MCF2L: variants seen among roughly 807,000 people sequenced by gnomAD.
MCF2L encodes the protein MCF.2 cell line derived transforming sequence like, also known as guanine nucleotide exchange factor DBS.
Under a neutral mutation model 153.4 loss-of-function variants are expected in MCF2L, and 97 were observed. The ratio of observed to expected loss-of-function variants is 0.63; its 90% CI spans 0.54 to 0.75. The LOEUF is 0.75. MCF2L is among the 30% of genes least tolerant of loss of function. MCF2L has a pLI of 0.00. For missense variants in MCF2L, 1,347 were observed against 1,495.2 expected (o/e 0.90, Z 1.64); for synonymous variants, 659 against 632.2 (o/e 1.04, Z -0.64).
chr13:112,944,678 G>C (rs528527819), intron 2 of MCF2L, among the ~76,000 whole-genome samples: 4 of 151,980 alleles, frequency 2.6e-5, no homozygotes, highest in Non-Finnish European at 4.4e-5. Flanking sequence ...AGTAGAGATG[G>C]GGTTTCACTG....
At chr13:113,096,183 C>G (rs78834816) in intron 27 of MCF2L, 188 bp from the exon 28 acceptor site, 43,941 of 602,096 alleles carry the variant, frequency 0.073, 2,383 homozygotes, top group African/African-American at 0.17. Context: ...CGCCTTCCAT[C>G]GCCGCTGCGG....
rs79407810 is a variant in MCF2L, at chr13:112,984,609, A to C, written c.79+15151A>C. On this transcript the variant is annotated intron_variant, in intron 1 of 29. Coordinates refer to ENST00000535094, the MANE Select transcript of MCF2L (RefSeq NM_001112732.3). ...TCAAACAGAATCAGGATTCACCATA[A>C]GAAGCAGATAAATACATTTGAGGCA... is the stretch of plus-strand genomic sequence containing the variant. 4.9e-3 allele frequency among the ~76,000 whole-genome samples: 745 copies of C among 152,328 alleles called. 25 individuals carry two copies. In the East Asian group the frequency reaches 0.1, roughly 21 times the overall value.
chr13:112,947,537 A>G (rs79362056), intron 2 of MCF2L, among the ~76,000 whole-genome samples: 2,829 of 152,332 alleles, frequency 0.019, 51 homozygotes, highest in Non-Finnish European at 0.028. Flanking sequence ...TTTCCCTTCC[A>G]AAAGGAAAAA....
chr13:112,912,602 TCCAC>T (rs1192064776), intron 2 of MCF2L, among the ~76,000 whole-genome samples: 1 of 152,164 alleles, frequency 6.6e-6, no homozygotes, highest in Non-Finnish European at 1.5e-5. Context: ...CAGGTGTGAG[TCCAC>T]CATGCCTGGC....
chr13:113,059,971 T>G (rs1215456628), intron 4 of MCF2L, among the ~76,000 whole-genome samples: 1 of 152,264 alleles, frequency 6.6e-6, no homozygotes, highest in Non-Finnish European at 1.5e-5. Context: ...GACTGACCAC[T>G]GGGCGCACAG....
chr13:112,902,161 C>G, intron 1 of MCF2L: 1 of 1,563,636 alleles, frequency 6.4e-7, no homozygotes, highest in Non-Finnish European at 8.8e-7. Flanking sequence ...CTTTCTGCAG[C>G]ATGACCTCAT....
rs186892619 is a variant in MCF2L at position 113,017,444 on chromosome 13, G to A, written c.163+2598G>A. 5.3e-5 allele frequency among the ~76,000 whole-genome samples: 8 copies of A among 152,260 alleles called. No homozygotes were observed. The East Asian group carries it at 9.7e-4, about 18-fold the overall frequency. Reference sequence around the variant, plus strand: ...GCCTTTCTCCCGGGACACCCGTCACGAGATTTAGGGCCCACCGTATAATCC... The same window carrying A: ...GCCTTTCTCCCGGGACACCCGTCACAAGATTTAGGGCCCACCGTATAATCC... On this transcript the variant is annotated intron_variant, in intron 2 of 29. Coordinates refer to ENST00000535094, the MANE Select transcript of MCF2L (RefSeq NM_001112732.3).
At chr13:113,029,098 A>G (rs1418502586) in intron 3 of MCF2L, among the ~76,000 whole-genome samples, 1 of 152,146 alleles carries the variant, frequency 6.6e-6, no homozygotes, top group African/African-American at 2.4e-5. Flanking sequence ...TCTATCTGGA[A>G]ATAAAACTCT....
intron 15 of MCF2L, 114 bp downstream of exon 15, chr13:113,078,853 C>A: frequency 1.0e-6 from 1 of 980,264 alleles, no homozygotes; most frequent in South Asian, 1.6e-5. Context: ...GTGCAGAAGT[C>A]ATTGTGGTTC....
chr13:112,963,685 T>C (rs1218627297), intron 2 of MCF2L, among the ~76,000 whole-genome samples: 5 of 152,196 alleles, frequency 3.3e-5, no homozygotes, highest in African/African-American at 1.2e-4. Context: ...TGTGGCCTCA[T>C]GTGGAGGTAG....
intron 3 of MCF2L, among the ~76,000 whole-genome samples, chr13:113,033,363 G>T (rs1210590082): frequency 2.6e-5 from 3 of 115,548 alleles, no homozygotes; most frequent in Non-Finnish European, 5.3e-5. Flanking sequence ...CCCGTGGCGT[G>T]AGTGGCCCCC....
intron 2 of MCF2L, among the ~76,000 whole-genome samples, chr13:113,016,713 C>T (rs924521969): frequency 1.3e-5 from 2 of 152,204 alleles, no homozygotes; most frequent in Admixed American, 1.3e-4. Context: ...GGCCTTTGCA[C>T]AGCCGGCCCT....
intron 2 of MCF2L, chr13:112,956,844 A>G (rs758176004): frequency 1.2e-4 from 18 of 152,262 alleles, no homozygotes; most frequent in Admixed American, 1.2e-3. Flanking sequence ...AGGTTTTCCT[A>G]TCAAACTCTA....
chr13:113,084,074 G>C lies in MCF2L; in HGVS notation c.2061+7G>C. 1 of 1,612,784 alleles carries C rather than the reference G, an allele frequency of 6.2e-7. No homozygotes were observed. Among genetic ancestry groups the C allele is most frequent in the Non-Finnish European group, 8.5e-7 (1 of 1,178,862 alleles). On this transcript the variant is annotated splice_region_variant and intron_variant, in intron 18 of 29. Coordinates refer to ENST00000535094, the MANE Select transcript of MCF2L (RefSeq NM_001112732.3). ...AAGATGCTTTCTGGAGAGGGTAGGTGGTGTTTTGACGTGTATTTTGTCACA... is the reference window on the plus strand; with the variant it reads ...AAGATGCTTTCTGGAGAGGGTAGGTCGTGTTTTGACGTGTATTTTGTCACA...
At chr13:112,905,957 TC>T (rs1220056544) in intron 2 of MCF2L, among the ~76,000 whole-genome samples, 1 of 152,166 alleles carries the variant, frequency 6.6e-6, no homozygotes, top group Admixed American at 6.5e-5. Context: ...AGAAGGTGAT[TC>T]CCCCTGGTTC....
rs1403042405 is a variant in MCF2L, at chr13:112,912,841, CTG to C, written c.169+10472_169+10473del. 1.1e-4 allele frequency among the ~76,000 whole-genome samples: 16 copies of C among 144,532 alleles called. No individual in the cohort carries two copies. In the East Asian group the frequency reaches 3.3e-3, roughly 30 times the overall value. The allele number at this position is 144,532 out of a possible 152,430, so 94.8% of individuals were successfully genotyped here. A position where few individuals can be genotyped will look rare whatever the true frequency, so the allele number is the denominator to read the frequency against. ...GTATGGGGTGTGCCTGTGTGTGTGT[CTG>C]TAGTGTATCTGTGTCTGTATGGGGT... On this transcript the variant is annotated intron_variant, in intron 2 of 29. Transcript: ENST00000375608.
At chr13:113,088,474 G>A (rs1043293465) in intron 24 of MCF2L, 69 bp downstream of exon 24, 76 of 1,606,688 alleles carry the variant, frequency 4.7e-5, no homozygotes, top group Non-Finnish European at 6.3e-5. Context: ...TATGTTCAGA[G>A]CAACCGCACA....
intron 3 of MCF2L, chr13:113,042,420 AT>A (rs1336676476): frequency 6.6e-6 from 1 of 152,260 alleles, no homozygotes; most frequent in Non-Finnish European, 1.5e-5. Flanking sequence ...CTTCTAAAAA[AT>A]GTTTTAGTCG....
chr13:113,088,236 G>A, intron 23 of MCF2L, 91 bp from the exon 24 acceptor site: 1 of 1,141,204 alleles, frequency 8.8e-7, no homozygotes, highest in Non-Finnish European at 1.3e-6. Flanking sequence ...TGACTCCTAA[G>A]ATTATCTTTG....
Sources: allele counts gnomAD v4.1 joint callset (sites outside exome capture counted in the v4.1 genomes callset), GRCh38; gene constraint gnomAD v4.1.1; transcripts MANE v1.5; gene names NCBI Gene and HGNC (gene_info 2026-07-23, HGNC 2026-07-21).